The following CES5A variants were observed in gnomAD, a reference collection of about 807,000 sequenced individuals.
CES5A encodes the protein carboxylesterase 5.
In CES5A, 67 loss-of-function variants were observed where a neutral mutation model predicts 62.9. The ratio of observed to expected loss-of-function variants is 1.07; its 90% CI spans 0.88 to 1.31. CES5A has a LOEUF of 1.31. Ranked by LOEUF, CES5A falls within the 50% of genes most tolerant of loss-of-function variation. The probability of loss-of-function intolerance (pLI) is 0.00; values close to 1 mark genes in which losing one functional copy is unlikely to be tolerated. For synonymous variants in CES5A, 296 were observed against 280.8 expected, an observed-to-expected ratio of 1.05 and a Z score of -0.54; for missense variants, 748 against 708.5, an observed-to-expected ratio of 1.06 and a Z score of -0.63.
intron 11 of CES5A, among the ~76,000 whole-genome samples, chr16:55,847,205 C>T (rs1420390655): frequency 6.6e-6 from 1 of 151,704 alleles, no homozygotes; most frequent in Admixed American, 6.6e-5. Context: ...CCTTCTCTCT[C>T]CCTATCTCTC....
chr16:55,949,847 G>A (rs1308071451), exon 2 of CES5A: 3 of 1,523,622 alleles, frequency 2.0e-6, no homozygotes, highest in East Asian at 2.5e-5. Context: ...TGAGGAGGCT[G>A]GATAAAAATA....
At chr16:55,921,803 A>G (rs1056359230) in intron 1 of CES5A, among the ~76,000 whole-genome samples, 5 of 152,074 alleles carry the variant, frequency 3.3e-5, no homozygotes, top group Non-Finnish European at 5.9e-5. Context: ...TATCAAAACA[A>G]TAATAGCTAC....
At chr16:55,937,736 CT>C (rs2034391499) in intron 2 of CES5A, among the ~76,000 whole-genome samples, 1 of 151,986 alleles carries the variant, frequency 6.6e-6, no homozygotes, top group African/African-American at 2.4e-5. Context: ...GCCCACGCAC[CT>C]TCTTCATAAT....
At position 55,861,471 on chromosome 16, in the gene CES5A, C is replaced by T; in HGVS notation, c.856G>A (p.Glu286Lys). 1 of 1,614,052 alleles carries T rather than the reference C, an allele frequency of 6.2e-7. No individual in the cohort carries two copies. Among genetic ancestry groups the T allele is most frequent in the Non-Finnish European group, 8.5e-7 (1 of 1,179,898 alleles). ...GTCCTCAGGCACCTCAGCAGGGCCT[C>T]AGAGTCTGACGCATTGTTACCACAG... ...HFCGNNASDS[E>K]ALLRCLRTKP... Residue 286 changes from glutamate to lysine, a missense_variant, in exon 7 of 13, where the codon GAG (glutamate) becomes AAG (lysine). Physicochemically the swap from Glu to Lys is moderately conservative, Grantham distance 56 (BLOSUM62 1). Coordinates refer to ENST00000290567, the MANE Select transcript of CES5A (RefSeq NM_001143685.2).
chr16:55,939,477 T>C (rs1389710671), intron 2 of CES5A, among the ~76,000 whole-genome samples: 1 of 152,172 alleles, frequency 6.6e-6, no homozygotes, highest in Non-Finnish European at 1.5e-5. Context: ...AAAGTTCTAT[T>C]GAAGTTATGA....
At chr16:55,938,904 G>A (rs2142477161) in intron 2 of CES5A, among the ~76,000 whole-genome samples, 1 of 149,040 alleles carries the variant, frequency 6.7e-6, no homozygotes, top group Non-Finnish European at 1.5e-5. Flanking sequence ...AACTGATACT[G>A]GCTAATGCAG....
chr16:55,894,261 C>A (rs1178012510), intron 1 of CES5A, among the ~76,000 whole-genome samples: 3 of 151,974 alleles, frequency 2.0e-5, no homozygotes, highest in Admixed American at 1.3e-4. Flanking sequence ...GTAATCCCAG[C>A]ACTTTGGGAG....
At chr16:55,863,255 T>C in intron 6 of CES5A, 93 bp downstream of exon 6, 1 of 778,936 alleles carries the variant, frequency 1.3e-6, no homozygotes, top group East Asian at 2.5e-5. Context: ...GCATGGTCAC[T>C]AAGGAAAGCC....
chr16:55,854,696 TA>T (rs1216389126), intron 9 of CES5A, among the ~76,000 whole-genome samples: 1 of 151,244 alleles, frequency 6.6e-6, no homozygotes, highest in Non-Finnish European at 1.5e-5. Context: ...CAGGCCTGGC[TA>T]ATTTTTTTAT....
intron 1 of CES5A, 71 bp from the exon 2 acceptor site, chr16:55,874,108 G>A (rs2033653274): frequency 7.3e-7 from 1 of 1,369,666 alleles, no homozygotes; most frequent in Admixed American, 2.0e-5. Flanking sequence ...CCAGTCTGGA[G>A]CTCCCCAGTG....
intron 1 of CES5A, among the ~76,000 whole-genome samples, chr16:55,911,130 C>A (rs1204946749): frequency 5.9e-5 from 9 of 152,180 alleles, no homozygotes; most frequent in Admixed American, 5.9e-4. Flanking sequence ...TGTACTAAGA[C>A]AAGAGTGGCC....
intron 2 of CES5A, among the ~76,000 whole-genome samples, chr16:55,948,857 G>C (rs2034525144): frequency 6.6e-6 from 1 of 152,146 alleles, no homozygotes; most frequent in African/African-American, 2.4e-5. Flanking sequence ...TAGAGTTTGA[G>C]GTCAGAAATG....
At chr16:55,955,995 C>A in exon 1 of CES5A, 1 of 1,189,252 alleles carries the variant, frequency 8.4e-7, no homozygotes, top group Non-Finnish European at 1.2e-6. Context: ...AAAGAAAAGT[C>A]AAATGAGTTC....
intron 4 of CES5A, among the ~76,000 whole-genome samples, chr16:55,866,556 C>T (rs2142404176): frequency 6.6e-6 from 1 of 151,336 alleles, no homozygotes; most frequent in East Asian, 2.0e-4. Flanking sequence ...GGCACGGTGG[C>T]TCATGCCTGT....
Position 55,944,787 on chromosome 16 carries a change from C to T in CES5A, c.160+4998G>A, listed in dbSNP as rs145203055. On this transcript the variant is annotated intron_variant, in intron 2 of 13. Transcript: ENST00000521992. ...CCTACTGCCCTCTCCAGATACCCCA[C>T]CCTCAGCCATACTTGAAGTGAATTT... Among the ~76,000 whole-genome samples the T allele has an allele frequency of 3.1e-3, 476 of 152,352 alleles. 2 individuals are homozygous for T. The highest frequency in any genetic ancestry group is 6.8e-3 in the Middle Eastern group (2 of 294).
chr16:55,872,301 C>T lies in CES5A; in HGVS notation c.279-538G>A, dbSNP rs61512670. Among the ~76,000 whole-genome samples the T allele has an allele frequency of 3.6e-3, 550 of 152,308 alleles. 3 individuals carry two copies. The highest frequency in any genetic ancestry group is 0.013 in the African/African-American group (522 of 41,576). On this transcript the variant is annotated intron_variant, in intron 2 of 12. Transcript: ENST00000290567. The stretch of plus-strand genomic sequence containing the variant: ...CTCGACTGCTCTCTCCCTGTATCTG[C>T]GTGCTCACATTCTTCCCTTTGTTTT...
intron 1 of CES5A, among the ~76,000 whole-genome samples, chr16:55,890,125 G>A (rs537090293): frequency 2.6e-5 from 4 of 152,038 alleles, no homozygotes; most frequent in African/African-American, 9.6e-5. Context: ...CAAGAAGGAT[G>A]GACTCCATAT....
At chr16:55,902,537 T>C (rs2034001287) in intron 1 of CES5A, among the ~76,000 whole-genome samples, 1 of 150,620 alleles carries the variant, frequency 6.6e-6, no homozygotes, top group Non-Finnish European at 1.5e-5. Flanking sequence ...AGGAGACCAC[T>C]TTGGATTCTT....
chr16:55,912,073 A>G (rs1485294751), intron 1 of CES5A, among the ~76,000 whole-genome samples: 2 of 152,150 alleles, frequency 1.3e-5, no homozygotes, highest in African/African-American at 4.8e-5. Flanking sequence ...CAGGCCTTGT[A>G]TCAACTCCCC....
Sources: gnomAD v4.1 joint callset for allele counts (sites outside exome capture counted in the v4.1 genomes callset) on GRCh38, gnomAD v4.1.1 for gene constraint, MANE v1.5 for transcripts, NCBI Gene and HGNC (gene_info 2026-07-23, HGNC 2026-07-21) for gene names.